The following RORB variants were observed in gnomAD, a reference collection of about 807,000 sequenced individuals.
The protein encoded by RORB is nuclear receptor ROR-beta.
A neutral mutation model predicts 59.1 loss-of-function variants in RORB; 6 were observed. The observed-to-expected ratio is 0.10, with a 90% CI of 0.06 to 0.20. The LOEUF is 0.20. Ranked by LOEUF, RORB falls within the 10% of genes least tolerant of loss-of-function variation. The pLI, the probability that RORB is intolerant of heterozygous loss-of-function variation, is 1.00. For missense variants in RORB, 320 were observed against 560.5 expected, an observed-to-expected ratio of 0.57 and a Z score of 4.33; for synonymous variants, 215 against 204.5, an observed-to-expected ratio of 1.05 and a Z score of -0.44.
chr9:74,593,618 C>T (rs1012513596), intron 1 of RORB, among the ~76,000 whole-genome samples: 9 of 152,122 alleles, frequency 5.9e-5, no homozygotes, highest in Non-Finnish European at 1.0e-4. Flanking sequence ...TTTTATTCTA[C>T]ATTACACATA....
At chr9:74,631,273 C>T (rs1458106265) in intron 2 of RORB, among the ~76,000 whole-genome samples, 1 of 152,204 alleles carries the variant, frequency 6.6e-6, no homozygotes, top group African/African-American at 2.4e-5. Flanking sequence ...CAAAACAGTT[C>T]TATAGCTAAC....
chr9:74,656,249 G>A (rs372398735), intron 4 of RORB, among the ~76,000 whole-genome samples: 6 of 151,928 alleles, frequency 3.9e-5, no homozygotes, highest in East Asian at 1.9e-4. Context: ...ATTTTGTCTC[G>A]GTGCCACATC....
chr9:74,509,867 A>G (rs1825912615), intron 1 of RORB, among the ~76,000 whole-genome samples: 1 of 152,094 alleles, frequency 6.6e-6, no homozygotes, highest in Non-Finnish European at 1.5e-5. Flanking sequence ...AAGAAAAAAA[A>G]ATTACATTTG....
In RORB at chr9:74,693,127, G is replaced by C. The variant is rs1013913430; in HGVS notation, c.*7509G>C. The C allele has an allele frequency of 1.3e-4, 20 of 152,200 alleles. No homozygotes were observed. The highest frequency in any genetic ancestry group is 4.8e-4 in the African/African-American group (20 of 41,536). 9.4% of individuals were successfully genotyped at this position (152,200 alleles called of 1,614,324 possible). ...TCTGTAAATGACAATCAATGTTTAT[G>C]AAGTTTCCTCCTTTAATGCTGAACA... On this transcript the variant is annotated 3_prime_UTR_variant, in exon 10 of 10. Transcript: ENST00000376896.
intron 1 of RORB, among the ~76,000 whole-genome samples, chr9:74,563,842 C>G (rs902879717): frequency 1.1e-4 from 16 of 152,162 alleles, no homozygotes; most frequent in Non-Finnish European, 2.1e-4. Flanking sequence ...ACTGCCAGAG[C>G]TGTGCCAAAG....
chr9:74,672,207 A>G (rs1161580449), intron 9 of RORB, among the ~76,000 whole-genome samples: 1 of 152,234 alleles, frequency 6.6e-6, no homozygotes, highest in African/African-American at 2.4e-5. Flanking sequence ...GGTCTTCAAA[A>G]TTCATATGTG....
chr9:74,578,441 G>C (rs1822669649), intron 1 of RORB, among the ~76,000 whole-genome samples: 1 of 152,022 alleles, frequency 6.6e-6, no homozygotes, highest in Non-Finnish European at 1.5e-5. Flanking sequence ...AGGGAATGAA[G>C]GACTTTGGGA....
At chr9:74,520,780 G>T (rs924259368) in intron 1 of RORB, among the ~76,000 whole-genome samples, 5 of 151,362 alleles carry the variant, frequency 3.3e-5, no homozygotes, top group Non-Finnish European at 7.4e-5. Context: ...TGGTTCTGTT[G>T]ATCTTGCATC....
intron 7 of RORB, among the ~76,000 whole-genome samples, chr9:74,666,257 A>C (rs1360835712): frequency 6.6e-6 from 1 of 152,140 alleles, no homozygotes; most frequent in East Asian, 1.9e-4. Context: ...ACTGCACTCC[A>C]GCTTGGGCAA....
intron 2 of RORB, 144 bp downstream of exon 2, chr9:74,630,511 T>G (rs1823598331): frequency 1.3e-4 from 50 of 392,480 alleles, no homozygotes; most frequent in East Asian, 1.3e-4. Flanking sequence ...GCGTGGTGGG[T>G]GGGAGGGTTG....
At chr9:74,498,035 A>C in intron 1 of RORB, 52 bp downstream of exon 1, 1 of 1,596,744 alleles carries the variant, frequency 6.3e-7, no homozygotes, top group Non-Finnish European at 8.5e-7. Context: ...AACTCCAGCC[A>C]GACGGGGAGA....
intron 1 of RORB, among the ~76,000 whole-genome samples, chr9:74,629,195 GT>G (rs1426144487): frequency 6.6e-6 from 1 of 151,430 alleles, no homozygotes; most frequent in African/African-American, 2.4e-5. Context: ...AATAAGCCAT[GT>G]TTTTATCTCC....
At chr9:74,669,859 C>T (rs888861084) in intron 8 of RORB, among the ~76,000 whole-genome samples, 1 of 152,180 alleles carries the variant, frequency 6.6e-6, no homozygotes, top group Non-Finnish European at 1.5e-5. Context: ...GTCATCATAA[C>T]TGTATTTTCC....
intron 2 of RORB, among the ~76,000 whole-genome samples, chr9:74,633,086 G>C (rs1823646200): frequency 6.6e-6 from 1 of 152,190 alleles, no homozygotes; most frequent in Non-Finnish European, 1.5e-5. Flanking sequence ...GGTTGATCAA[G>C]CTCTCTTCAC....
chr9:74,676,423 A>T (rs1824442155), intron 9 of RORB, among the ~76,000 whole-genome samples: 1 of 152,250 alleles, frequency 6.6e-6, no homozygotes, highest in Non-Finnish European at 1.5e-5. Context: ...TATCCCTCAG[A>T]GGCAAAGCCC....
At chr9:74,585,968 GT>G (rs1483616900) in intron 1 of RORB, among the ~76,000 whole-genome samples, 1 of 151,204 alleles carries the variant, frequency 6.6e-6, no homozygotes. Context: ...CTAATTTTTT[GT>G]GTTTTTAGTA....
At chr9:74,504,433 G>A (rs1225146605) in intron 1 of RORB, among the ~76,000 whole-genome samples, 2 of 151,916 alleles carry the variant, frequency 1.3e-5, no homozygotes, top group Non-Finnish European at 2.9e-5. Context: ...AAGCCAAAAC[G>A]AACATCTTGC....
chr9:74,565,114 G>GGT (rs1822449885), intron 1 of RORB, among the ~76,000 whole-genome samples: 3 of 152,096 alleles, frequency 2.0e-5, no homozygotes, highest in Admixed American at 2.0e-4. Flanking sequence ...CTCTGTCAGT[G>GGT]GTGGTTCCTA....
chr9:74,647,826 T>C (rs1823924770), intron 4 of RORB, among the ~76,000 whole-genome samples: 1 of 152,232 alleles, frequency 6.6e-6, no homozygotes, highest in Non-Finnish European at 1.5e-5. Flanking sequence ...TGTTTTATTT[T>C]GCAGAATTCT....
Sources: allele counts gnomAD v4.1 joint callset (sites outside exome capture counted in the v4.1 genomes callset), GRCh38; gene constraint gnomAD v4.1.1; transcripts MANE v1.5; gene names NCBI Gene and HGNC (gene_info 2026-07-23, HGNC 2026-07-21).